The following TK2 variants were observed in gnomAD, a reference collection of about 807,000 sequenced individuals.
TK2 encodes the protein thymidine kinase 2, mitochondrial.
Under a neutral mutation model 41.9 loss-of-function variants are expected in TK2, and 35 were observed. The ratio of observed to expected loss-of-function variants is 0.84; its 90% confidence interval spans 0.64 to 1.11. TK2 has a LOEUF of 1.11. Ranked by LOEUF, TK2 falls within the 50% of genes least tolerant of loss-of-function variation. TK2 has a pLI of 0.00. For synonymous variants in TK2, 128 were observed against 129.1 expected (o/e 0.99, Z 0.06); for missense variants, 320 against 351.1 (o/e 0.91, Z 0.71).
Position 66,531,485 on chromosome 16 carries a change from C to A in TK2, c.286-16G>T. ...ACATCAGGCCCTGCAGAAGGGAAAA[C>A]ACAGCACTTTCCATCAAAGTGGCAT... On this transcript the variant is annotated splice_polypyrimidine_tract_variant and intron_variant, in intron 4 of 9. Coordinates refer to ENST00000544898, the MANE Select transcript of TK2 (RefSeq NM_004614.5). 6.2e-7 allele frequency: 1 copy of A among 1,613,620 alleles called. No individual in the cohort carries two copies. The highest frequency in any genetic ancestry group is 8.5e-7 in the Non-Finnish European group (1 of 1,179,566).
chr16:66,545,094 C>CAAA lies in TK2; in HGVS notation c.157-3144_157-3142dup, dbSNP rs56368554. 1.0e-3 allele frequency among the ~76,000 whole-genome samples: 78 copies of CAAA among 75,692 alleles called. No homozygotes were observed. The East Asian group carries it at 0.011, about 10-fold the overall frequency. The allele number at this position is 75,692 out of a possible 152,430, so 49.7% of individuals were successfully genotyped here. A position where few individuals can be genotyped will look rare whatever the true frequency, so the allele number is the denominator to read the frequency against. On this transcript the variant is annotated intron_variant, in intron 2 of 9. Transcript: ENST00000544898. ...GGGTGACAGAGTGAGACCCTGTCTT[C>CAAA]AAAAAAAAAAAAAAAAAGAAATACA... is the stretch of plus-strand genomic sequence containing the variant.
rs772800872 is a variant in TK2 at position 66,548,990 on chromosome 16, C to T, written c.144G>A (p.Glu48=). The change falls in exon 2 of 10, where the codon GAG becomes GAA. Residue 48 remains glutamate, a synonymous_variant. Transcript: ENST00000544898. ...AAGAGGGACTTACCACTGATTTTTT[C>T]TCTTTTTCCTGTTCTTTATCTACAA... ...AWPPDKEQEK[E]KKSVICVEGN... The T allele has an allele frequency of 3.3e-5, 54 of 1,613,488 alleles. No individual in the cohort carries two copies. The highest frequency in any genetic ancestry group is 4.2e-5 in the Non-Finnish European group (50 of 1,179,636).
intron 2 of TK2, among the ~76,000 whole-genome samples, chr16:66,543,056 T>C (rs906064734): frequency 1.3e-5 from 2 of 152,126 alleles, no homozygotes; most frequent in African/African-American, 2.4e-5. Flanking sequence ...GTATTTTTAG[T>C]AGAGACATGG....
In TK2 at chr16:66,510,914, T is replaced by C. The variant is rs1216184223; in HGVS notation, c.*1054A>G. The C allele has an allele frequency of 1.3e-5, 2 of 152,176 alleles. No homozygotes were observed. Among genetic ancestry groups the C allele is most frequent in the Non-Finnish European group, 2.9e-5 (2 of 68,030 alleles). 9.4% of individuals were successfully genotyped at this position (152,176 alleles called of 1,614,324 possible). A position where few individuals can be genotyped will look rare whatever the true frequency, so the allele number is the denominator to read the frequency against. ...TGAGCCAACAAAGATGATTTCAGGC[T>C]CTATGGCTCGAGGCATTTCCCTGGA... On this transcript the variant is annotated 3_prime_UTR_variant, in exon 10 of 10. Coordinates refer to ENST00000544898, the MANE Select transcript of TK2 (RefSeq NM_004614.5).
chr16:66,517,928 T>C lies in TK2; in HGVS notation c.450-51A>G. 2 of 1,475,926 alleles carry C rather than the reference T, an allele frequency of 1.4e-6. No homozygotes were observed. Among genetic ancestry groups the C allele is most frequent in the Non-Finnish European group, 1.9e-6 (2 of 1,054,042 alleles). 91.4% of individuals were successfully genotyped at this position (1,475,926 alleles called of 1,614,324 possible). ...TTCACCTAAGAGAAAACTTCTGGGC[T>C]ATGCAATTCCCCCAAAAGGATCTTG... is the stretch of plus-strand genomic sequence containing the variant. On this transcript the variant is annotated intron_variant, in intron 6 of 9. Transcript: ENST00000544898. The surrounding 1 kb of genome is among the most constrained non-coding windows in gnomAD (Gnocchi z 4.3).
upstream of TK2, chr16:66,550,147 C>T (rs1488279536): frequency 6.2e-7 from 1 of 1,612,660 alleles, no homozygotes; most frequent in Non-Finnish European, 8.5e-7. Flanking sequence ...TGGGCGCCGC[C>T]TGGATCCCGG....
chr16:66,522,953 C>T (rs982152860), intron 6 of TK2, among the ~76,000 whole-genome samples: 1 of 152,234 alleles, frequency 6.6e-6, no homozygotes, highest in Non-Finnish European at 1.5e-5. Flanking sequence ...TCTCGAATCC[C>T]TGGTGGCATA....
Position 66,528,987 on chromosome 16 carries a change from A to T in TK2, c.449+7T>A, listed in dbSNP as rs748769641. On this transcript the variant is annotated splice_region_variant and intron_variant, in intron 6 of 9. Coordinates refer to ENST00000544898, the MANE Select transcript of TK2 (RefSeq NM_004614.5). ...TAATAAATTATCAACTATTCAAACT[A>T]CAGTACCTTCTATACAGGTTTTCTA... 6.8e-6 allele frequency: 11 copies of T among 1,613,556 alleles called. No homozygotes were observed. The highest frequency in any genetic ancestry group is 9.3e-6 in the Non-Finnish European group (11 of 1,179,512).
chr16:66,549,834 CTCGGAAGAGGCGCT>C (rs1965731859), intron 1 of TK2, 90 bp downstream of exon 1: 1 of 1,285,262 alleles, frequency 7.8e-7, no homozygotes. Context: ...AATCCCGCGC[CTCGGAAGAGGCGCT>C]TCGGGCTCGG....
chr16:66,519,770 G>A (rs1054075356), intron 6 of TK2, among the ~76,000 whole-genome samples: 3 of 152,186 alleles, frequency 2.0e-5, no homozygotes, highest in Non-Finnish European at 2.9e-5. Context: ...AGCTGGGTTC[G>A]GCAAGACTGG....
At chr16:66,518,078 G>C in intron 6 of TK2, 1 of 629,372 alleles carries the variant, frequency 1.6e-6, no homozygotes, top group Non-Finnish European at 2.9e-6. Flanking sequence ...AGCGGCTTAT[G>C]GCACAATGCT....
intron 6 of TK2, among the ~76,000 whole-genome samples, chr16:66,523,285 T>C (rs1035217012): frequency 1.3e-5 from 2 of 152,144 alleles, no homozygotes; most frequent in Non-Finnish European, 2.9e-5. Flanking sequence ...CTCCCCATCA[T>C]GGCATTTTGG....
In TK2 at chr16:66,550,088, G is replaced by T; in HGVS notation, c.-27C>A. 1.9e-6 allele frequency: 3 copies of T among 1,603,762 alleles called. No homozygotes were observed. On this transcript the variant is annotated 5_prime_UTR_variant, in exon 1 of 10. Transcript: ENST00000544898. ...GCCGGGCGAGCGGATCCAGAGGCCC[G>T]GGGTTCCTTCTTGTGCGAGTCGGCG...
chr16:66,531,153 A>C (rs78005554), intron 5 of TK2, among the ~76,000 whole-genome samples: 1 of 152,144 alleles, frequency 6.6e-6, no homozygotes, highest in African/African-American at 2.4e-5. Flanking sequence ...TGAGCTCAGA[A>C]TGGTGGCAGG....
intron 6 of TK2, among the ~76,000 whole-genome samples, chr16:66,522,813 G>A (rs1386644873): frequency 2.0e-5 from 3 of 152,226 alleles, no homozygotes; most frequent in East Asian, 1.9e-4. Context: ...GCAGTGAGCC[G>A]AGATTGCACC....
At chr16:66,539,473 T>C (rs1433430889) in intron 3 of TK2, among the ~76,000 whole-genome samples, 1 of 151,372 alleles carries the variant, frequency 6.6e-6, no homozygotes, top group Non-Finnish European at 1.5e-5. Context: ...TGGTGGTGGG[T>C]GCTTGTAATC....
rs779575741 is a variant in TK2, at chr16:66,528,986, T to C, written c.449+8A>G. 8.1e-6 allele frequency: 13 copies of C among 1,613,516 alleles called. No individual in the cohort carries two copies. Among genetic ancestry groups the C allele is most frequent in the Non-Finnish European group, 1.1e-5 (13 of 1,179,498 alleles). ...TTAATAAATTATCAACTATTCAAAC[T>C]ACAGTACCTTCTATACAGGTTTTCT... On this transcript the variant is annotated splice_region_variant and intron_variant, in intron 6 of 9. Transcript: ENST00000544898.
rs1964643852 is a variant in TK2 at position 66,517,282 on chromosome 16, G to A, written c.539-67C>T. 1.1e-5 allele frequency: 15 copies of A among 1,380,810 alleles called. No homozygotes were observed. The East Asian group carries it at 3.4e-4, about 32-fold the overall frequency. The allele number at this position is 1,380,810 out of a possible 1,614,324, so 85.5% of individuals were successfully genotyped here. ...GGCTTGGAAGCAAAGCAGGCACACA[G>A]GCAAAGGCGGGAGGAAGGTCTGCAC... On this transcript the variant is annotated intron_variant, in intron 7 of 9. Transcript: ENST00000544898. This position sits in a 1 kb window ranked among gnomAD's most constrained non-coding sequence, Gnocchi z 4.3.
intron 4 of TK2, among the ~76,000 whole-genome samples, chr16:66,536,150 G>A (rs971002969): frequency 4.0e-5 from 6 of 150,002 alleles, no homozygotes; most frequent in Non-Finnish European, 7.4e-5. Flanking sequence ...GTTGCAGTGA[G>A]CCGAGATCGC....
Sources: allele counts gnomAD v4.1 joint callset (sites outside exome capture counted in the v4.1 genomes callset), GRCh38; gene constraint gnomAD v4.1.1; non-coding constraint Gnocchi (gnomAD v3.1); transcripts MANE v1.5; gene names NCBI Gene and HGNC (gene_info 2026-07-23, HGNC 2026-07-21).